Variants in TMEM132C observed in about 807,000 individuals in gnomAD.
The protein encoded by TMEM132C is transmembrane protein 132C.
Under a neutral mutation model 61.4 loss-of-function variants are expected in TMEM132C, and 29 were observed. The ratio of observed to expected loss-of-function variants is 0.47; its 90% CI spans 0.35 to 0.64. TMEM132C has a LOEUF of 0.64. TMEM132C is among the 30% of genes least tolerant of loss of function. The pLI is 0.00. For missense variants in TMEM132C, 1,408 were observed against 1,476.9 expected, an observed-to-expected ratio of 0.95 and a Z score of 0.76; for synonymous variants, 656 against 633.1, an observed-to-expected ratio of 1.04 and a Z score of -0.54.
chr12:128,490,479 T>G (rs1871679204), intron 2 of TMEM132C, among the ~76,000 whole-genome samples: 1 of 152,182 alleles, frequency 6.6e-6, no homozygotes, highest in African/African-American at 2.4e-5. Context: ...GGGTGGGGCC[T>G]GGCACCTCAC....
intron 3 of TMEM132C, among the ~76,000 whole-genome samples, chr12:128,613,493 T>C (rs1286221396): frequency 2.0e-5 from 3 of 152,162 alleles, no homozygotes; most frequent in African/African-American, 7.2e-5. Flanking sequence ...ATCTCTTAGT[T>C]TGGAAACACT....
At chr12:128,417,134 A>G (rs563093864) in intron 2 of TMEM132C, among the ~76,000 whole-genome samples, 2 of 152,242 alleles carry the variant, frequency 1.3e-5, no homozygotes, top group African/African-American at 4.8e-5. Context: ...AAAGATGCTG[A>G]TCTGGGAGCT....
intron 2 of TMEM132C, among the ~76,000 whole-genome samples, chr12:128,530,913 T>C (rs1264690796): frequency 1.3e-5 from 2 of 152,264 alleles, no homozygotes; most frequent in African/African-American, 2.4e-5. Context: ...TTATGACTTA[T>C]ATTTGAATAA....
chr12:128,604,806 A>ATAGG (rs1184061072), intron 3 of TMEM132C, among the ~76,000 whole-genome samples: 1 of 147,498 alleles, frequency 6.8e-6, no homozygotes, highest in East Asian at 2.0e-4. Flanking sequence ...TAGATAGATG[A>ATAGG]TGGATGGATG....
At chr12:128,595,079 G>A (rs1056164769) in intron 3 of TMEM132C, among the ~76,000 whole-genome samples, 6 of 152,168 alleles carry the variant, frequency 3.9e-5, no homozygotes, top group Non-Finnish European at 5.9e-5. Flanking sequence ...CGGTGAAGCT[G>A]GAAGGAAACA....
intron 1 of TMEM132C, among the ~76,000 whole-genome samples, chr12:128,398,177 T>G (rs1875028709): frequency 6.6e-6 from 1 of 152,220 alleles, no homozygotes; most frequent in Non-Finnish European, 1.5e-5. Flanking sequence ...AGGAGAAAAG[T>G]ACAGGGGCCT....
At chr12:128,663,687 A>G (rs1954417303) in intron 4 of TMEM132C, among the ~76,000 whole-genome samples, 1 of 148,608 alleles carries the variant, frequency 6.7e-6, no homozygotes, top group African/African-American at 2.6e-5. Context: ...ATGTATAGGT[A>G]CGTGTGCCTG....
chr12:128,660,636 G>A (rs1954378374), intron 4 of TMEM132C, among the ~76,000 whole-genome samples: 1 of 152,170 alleles, frequency 6.6e-6, no homozygotes, highest in Admixed American at 6.5e-5. Context: ...TTCAAGGATG[G>A]GGATCAGCTT....
At chr12:128,486,338 C>T (rs1428253911) in intron 2 of TMEM132C, among the ~76,000 whole-genome samples, 3 of 152,074 alleles carry the variant, frequency 2.0e-5, no homozygotes, top group African/African-American at 7.2e-5. Flanking sequence ...GTGAGTGAGG[C>T]AAGAGCTGGG....
At chr12:128,615,354 CTAT>C (rs1322245959) in intron 3 of TMEM132C, among the ~76,000 whole-genome samples, 1 of 152,100 alleles carries the variant, frequency 6.6e-6, no homozygotes, top group African/African-American at 2.4e-5. Flanking sequence ...CAGCTTATTT[CTAT>C]TATTATTACA....
At chr12:128,341,063 C>T (rs1316336892) in intron 1 of TMEM132C, among the ~76,000 whole-genome samples, 1 of 152,010 alleles carries the variant, frequency 6.6e-6, no homozygotes, top group African/African-American at 2.4e-5. Context: ...GCCTCAGCCT[C>T]CTGAGTAGCT....
intron 2 of TMEM132C, among the ~76,000 whole-genome samples, chr12:128,444,438 G>A (rs1307613733): frequency 6.6e-6 from 1 of 152,232 alleles, no homozygotes; most frequent in Non-Finnish European, 1.5e-5. Flanking sequence ...GGGGTGCTGT[G>A]ACCACATGGG....
chr12:128,547,686 A>G (rs1207748086), intron 3 of TMEM132C, among the ~76,000 whole-genome samples: 2 of 152,140 alleles, frequency 1.3e-5, no homozygotes, highest in African/African-American at 4.8e-5. Context: ...CGTGTTGGCC[A>G]CATCCCCTGG....
At chr12:128,517,292 C>G (rs1872753001) in intron 2 of TMEM132C, among the ~76,000 whole-genome samples, 1 of 150,260 alleles carries the variant, frequency 6.7e-6, no homozygotes, top group Non-Finnish European at 1.5e-5. Context: ...AAAAAATTAG[C>G]CAGGCAGGGT....
chr12:128,493,635 G>A (rs1871832295), intron 2 of TMEM132C, among the ~76,000 whole-genome samples: 1 of 152,124 alleles, frequency 6.6e-6, no homozygotes, highest in African/African-American at 2.4e-5. Context: ...GTTCACTCAT[G>A]TTTTGGCTCT....
chr12:128,296,085 A>G (rs1007838236), intron 1 of TMEM132C, among the ~76,000 whole-genome samples: 2 of 152,172 alleles, frequency 1.3e-5, no homozygotes, highest in Admixed American at 6.5e-5. Flanking sequence ...TTACTGAAGT[A>G]GCACCCTTGT....
At chr12:128,643,456 T>G (rs1954172996) in intron 4 of TMEM132C, among the ~76,000 whole-genome samples, 1 of 151,572 alleles carries the variant, frequency 6.6e-6, no homozygotes, top group African/African-American at 2.4e-5. Context: ...AAACCTCGGC[T>G]GAGGAACTTG....
chr12:128,337,724 T>C (rs1872826626), intron 1 of TMEM132C, among the ~76,000 whole-genome samples: 1 of 152,214 alleles, frequency 6.6e-6, no homozygotes, highest in Non-Finnish European at 1.5e-5. Flanking sequence ...TCTATCAGTC[T>C]CCTTGCTGTT....
intron 1 of TMEM132C, among the ~76,000 whole-genome samples, chr12:128,358,072 C>T (rs1873576015): frequency 6.6e-6 from 1 of 152,098 alleles, no homozygotes; most frequent in African/African-American, 2.4e-5. Flanking sequence ...GGAGAGACCC[C>T]TGTGAGCCAT....
Sources: allele counts gnomAD v4.1 joint callset (sites outside exome capture counted in the v4.1 genomes callset), GRCh38; gene constraint gnomAD v4.1.1; transcripts MANE v1.5; gene names NCBI Gene and HGNC (gene_info 2026-07-23, HGNC 2026-07-21).